Variants in PDE4DIP observed in about 807,000 individuals in gnomAD.
The protein encoded by PDE4DIP is myomegalin.
A neutral mutation model predicts 221.4 loss-of-function variants in PDE4DIP; 59 were observed. The ratio of observed to expected loss-of-function variants is 0.27; its 90% CI spans 0.22 to 0.33. The LOEUF (loss-of-function observed/expected upper bound fraction) is 0.33. Among genes scored for constraint, PDE4DIP ranks in the 10% least tolerant of loss-of-function variants. PDE4DIP has a pLI of 1.00. For missense variants in PDE4DIP, 1,036 were observed against 2,154.2 expected (o/e 0.48, Z 10.28); for synonymous variants, 404 against 815.9 (o/e 0.50, Z 8.60).
chr1:149,005,951 G>A (rs1372425908), intron 27 of PDE4DIP, among the ~76,000 whole-genome samples: 2 of 152,066 alleles, frequency 1.3e-5, no homozygotes, highest in African/African-American at 4.8e-5. Flanking sequence ...TACCCAACAC[G>A]GTGAAACCCC....
intron 1 of PDE4DIP, among the ~76,000 whole-genome samples, chr1:148,820,716 G>C (rs1232463032): frequency 7.1e-5 from 7 of 98,264 alleles, no homozygotes; most frequent in African/African-American, 2.9e-4. Context: ...TTTTTTTTTG[G>C]GGGGGGGGTG....
At chr1:148,977,786 A>G (rs1418182425) in intron 17 of PDE4DIP, 151 bp from the exon 21 acceptor site, 32 of 1,208,256 alleles carry the variant, frequency 2.6e-5, no homozygotes, top group Non-Finnish European at 3.1e-5. Context: ...CTTTGTTACT[A>G]TACTGCATGG....
intron 1 of PDE4DIP, among the ~76,000 whole-genome samples, chr1:148,820,537 A>G: frequency 1.5e-5 from 2 of 129,678 alleles, no homozygotes; most frequent in African/African-American, 5.8e-5. Context: ...ACTGCACTCC[A>G]GCCTGGAAAC....
rs1294478926 is a variant in PDE4DIP, at chr1:148,892,233, G to T, written c.141+2339G>T. 2.5e-5 allele frequency among the ~76,000 whole-genome samples: 3 copies of T among 120,474 alleles called. 1 individual carries two copies. Among genetic ancestry groups the T allele is most frequent in the South Asian group, 6.1e-4 (2 of 3,266 alleles). 79.0% of individuals were successfully genotyped at this position (120,474 alleles called of 152,430 possible). A position where few individuals can be genotyped will look rare whatever the true frequency, so the allele number is the denominator to read the frequency against. On this transcript the variant is annotated intron_variant, in intron 1 of 43. Transcript: ENST00000369354. ...TGGTCTCAAACTCCTGACCTCAGGC[G>T]ATCCACCCGCCTCAGCCTCCCAAAG...
At chr1:148,931,588 C>G in intron 2 of PDE4DIP, 1 of 508,632 alleles carries the variant, frequency 2.0e-6, no homozygotes. Context: ...CCATCTCACA[C>G]CAGTCAGAAT....
intron 4 of PDE4DIP, chr1:148,932,833 G>T (rs1553471951): frequency 3.5e-6 from 1 of 283,922 alleles, no homozygotes; most frequent in African/African-American, 2.3e-5. Flanking sequence ...GAAGTAGTAT[G>T]AGGTGGAGCC....
chr1:148,963,037 C>T (rs1553514091), intron 9 of PDE4DIP, among the ~76,000 whole-genome samples: 1 of 152,008 alleles, frequency 6.6e-6, no homozygotes, highest in East Asian at 1.9e-4. Context: ...GGACTACAGG[C>T]GCCCGCCACC....
chr1:149,029,847 C>G (rs1575690621), exon 42 of PDE4DIP: 1 of 1,609,484 alleles, frequency 6.2e-7, no homozygotes, highest in Non-Finnish European at 8.5e-7. Context: ...ACAGGAGCGA[C>G]TCCTTCAGAG....
At chr1:149,030,780 A>G (rs1553636393) in intron 43 of PDE4DIP, 2 of 984,648 alleles carry the variant, frequency 2.0e-6, no homozygotes, top group Non-Finnish European at 2.4e-6. Flanking sequence ...ATGACAAAAG[A>G]GATCTGTTGG....
chr1:149,030,666 C>T, intron 43 of PDE4DIP: 2 of 849,572 alleles, frequency 2.4e-6, no homozygotes, highest in Non-Finnish European at 2.8e-6. Flanking sequence ...ATGTGTTCTA[C>T]TCTTCATGAA....
chr1:148,935,128 C>T (rs1336685195), intron 4 of PDE4DIP, among the ~76,000 whole-genome samples: 7 of 151,886 alleles, frequency 4.6e-5, no homozygotes, highest in African/African-American at 9.7e-5. Context: ...GCAGGAGAAT[C>T]GCTTGAACCA....
chr1:148,979,035 TAAA>T (rs34462317), intron 19 of PDE4DIP, among the ~76,000 whole-genome samples: 21 of 133,066 alleles, frequency 1.6e-4, no homozygotes, highest in Non-Finnish European at 1.6e-4. Context: ...CTCTCCCAGT[TAAA>T]AAAAAAAAAA....
chr1:149,032,563 T>A, exon 44 of PDE4DIP: 1 of 253,594 alleles, frequency 3.9e-6, no homozygotes, highest in Non-Finnish European at 7.7e-6. Flanking sequence ...GTAGCACCTG[T>A]GTTCTTTGAG....
chr1:148,970,863 C>T (rs1313802106), intron 14 of PDE4DIP, among the ~76,000 whole-genome samples: 5 of 152,048 alleles, frequency 3.3e-5, no homozygotes, highest in Non-Finnish European at 5.9e-5. Flanking sequence ...TTCAAATCTC[C>T]AAAGAGCCCA....
chr1:148,933,334 T>TGA (rs1376244193), intron 4 of PDE4DIP, among the ~76,000 whole-genome samples: 1 of 152,144 alleles, frequency 6.6e-6, no homozygotes, highest in Non-Finnish European at 1.5e-5. Flanking sequence ...AGAAGACAAG[T>TGA]GAGAGGTAAG....
intron 5 of PDE4DIP, among the ~76,000 whole-genome samples, chr1:148,948,753 T>C (rs1356941145): frequency 3.3e-5 from 5 of 151,478 alleles, no homozygotes; most frequent in African/African-American, 1.2e-4. Context: ...TCTATACACC[T>C]ATGTTATCTT....
intron 5 of PDE4DIP, among the ~76,000 whole-genome samples, chr1:148,949,488 C>G (rs1278846499): frequency 2.0e-5 from 3 of 151,104 alleles, no homozygotes; most frequent in African/African-American, 7.3e-5. Flanking sequence ...TAAATAAAAT[C>G]TAAAATTAAT....
intron 2 of PDE4DIP, chr1:148,930,074 A>T (rs2047533914): frequency 1.3e-5 from 2 of 151,686 alleles, no homozygotes; most frequent in East Asian, 3.9e-4. Context: ...ATTTTTCTTT[A>T]TATACATTTA....
intron 27 of PDE4DIP, 105 bp downstream of exon 30, chr1:149,005,542 C>T: frequency 1.1e-6 from 1 of 949,756 alleles, no homozygotes; most frequent in East Asian, 2.4e-5. Flanking sequence ...TCTGGGTATT[C>T]ACAGGGACAC....
Sources: gnomAD v4.1 joint callset for allele counts (sites outside exome capture counted in the v4.1 genomes callset) on GRCh38, gnomAD v4.1.1 for gene constraint, MANE v1.5 for transcripts, NCBI Gene and HGNC (gene_info 2026-07-23, HGNC 2026-07-21) for gene names.